Variants in SLC17A1 observed in about 807,000 individuals in gnomAD.
The protein encoded by SLC17A1 is solute carrier family 17 member 1.
SLC17A1 carries 51 observed loss-of-function variants against 53.5 expected under a neutral mutation model. That is an observed-to-expected ratio of 0.95 (90% CI 0.76 to 1.20). The LOEUF (loss-of-function observed/expected upper bound fraction) is 1.20, where lower values mean the gene tolerates loss of function less well. Among genes scored for constraint, SLC17A1 ranks in the 50% most tolerant of loss-of-function variants. The probability of loss-of-function intolerance (pLI) is 0.00; values close to 1 mark genes in which losing one functional copy is unlikely to be tolerated. For missense variants in SLC17A1, 538 were observed against 568.2 expected, an observed-to-expected ratio of 0.95 and a Z score of 0.54; for synonymous variants, 179 against 198.8, an observed-to-expected ratio of 0.90 and a Z score of 0.84.
chr6:25,820,602 C>T (rs977744527), intron 3 of SLC17A1, among the ~76,000 whole-genome samples: 12 of 151,976 alleles, frequency 7.9e-5, no homozygotes, highest in African/African-American at 2.9e-4. Flanking sequence ...GAATGATGGC[C>T]GGGCGCGGTG....
chr6:25,799,495 C>T (rs186755439), intron 11 of SLC17A1, among the ~76,000 whole-genome samples: 2 of 152,004 alleles, frequency 1.3e-5, no homozygotes, highest in East Asian at 1.9e-4. Context: ...GATGTATGCT[C>T]GAGTTGAAAT....
the SLC17A1 span, chr6:25,762,158 C>T: frequency 2.2e-6 from 2 of 920,958 alleles, no homozygotes; most frequent in Non-Finnish European, 3.3e-6. Context: ...TTTGTTGATA[C>T]ACATCATTTT....
chr6:25,746,472 A>C, the SLC17A1 span, among the ~76,000 whole-genome samples: 1 of 152,188 alleles, frequency 6.6e-6, no homozygotes, highest in Non-Finnish European at 1.5e-5. Context: ...AGCTCTTAAT[A>C]AACTGGGGGT....
At chr6:25,785,426 G>A (rs1321427161) in intron 12 of SLC17A1, among the ~76,000 whole-genome samples, 1 of 151,974 alleles carries the variant, frequency 6.6e-6, no homozygotes, top group African/African-American at 2.4e-5. Context: ...ACTTCTATAT[G>A]ACAACAAAGC....
intron 6 of SLC17A1, among the ~76,000 whole-genome samples, chr6:25,815,006 C>T (rs1264448360): frequency 6.7e-6 from 1 of 149,582 alleles, no homozygotes; most frequent in Non-Finnish European, 1.5e-5. Context: ...CACACACACA[C>T]ACACACACAC....
chr6:25,732,083 GTCC>G, the SLC17A1 span: 1 of 1,088,460 alleles, frequency 9.2e-7, no homozygotes, highest in Non-Finnish European at 1.3e-6. Flanking sequence ...TGCGCTTTTT[GTCC>G]TCCTTCGAGT....
chr6:25,801,128 T>G, intron 10 of SLC17A1, 148 bp from the exon 11 acceptor site: 1 of 604,626 alleles, frequency 1.7e-6, no homozygotes, highest in Non-Finnish European at 2.9e-6. Context: ...AAAAAGTATA[T>G]GAATATAGGC....
chr6:25,806,321 A>C (rs1384903112), intron 10 of SLC17A1, among the ~76,000 whole-genome samples: 2 of 152,124 alleles, frequency 1.3e-5, no homozygotes. Flanking sequence ...ATTTGATAAA[A>C]TCCAGCATCC....
the SLC17A1 span, among the ~76,000 whole-genome samples, chr6:25,749,506 C>A: frequency 1.3e-5 from 2 of 152,110 alleles, no homozygotes; most frequent in Admixed American, 6.5e-5. Context: ...AAAATGAAGT[C>A]ATTGAAAATA....
chr6:25,828,812 C>A (rs569431811), intron 2 of SLC17A1, among the ~76,000 whole-genome samples: 1 of 152,038 alleles, frequency 6.6e-6, no homozygotes, highest in South Asian at 2.1e-4. Context: ...AATCAGTGAC[C>A]ATTTAAATAA....
chr6:25,770,129 C>A, the SLC17A1 span: 3 of 1,614,106 alleles, frequency 1.9e-6, no homozygotes, highest in Non-Finnish European at 2.5e-6. Flanking sequence ...TCAACTATGG[C>A]TCATTCTTGG....
At chr6:25,747,653 T>C in the SLC17A1 span, among the ~76,000 whole-genome samples, 2 of 152,366 alleles carry the variant, frequency 1.3e-5, no homozygotes, top group South Asian at 2.1e-4. Context: ...GCTGGATTCC[T>C]CATGAATGAG....
At chr6:25,778,634 CAG>C (rs1763134680), downstream of SLC17A1, among the ~76,000 whole-genome samples, 1 of 152,168 alleles carries the variant, frequency 6.6e-6, no homozygotes, top group South Asian at 2.1e-4. Context: ...AGAAAAGAAA[CAG>C]AAAGAAATCT....
At chr6:25,768,901 T>C in the SLC17A1 span, 2 of 1,249,984 alleles carry the variant, frequency 1.6e-6, no homozygotes, top group South Asian at 1.3e-5. Flanking sequence ...CTCAGACAGA[T>C]ACCAATCTTC....
intron 12 of SLC17A1, among the ~76,000 whole-genome samples, chr6:25,792,866 C>T (rs912507772): frequency 2.0e-5 from 3 of 152,150 alleles, no homozygotes; most frequent in African/African-American, 7.2e-5. Flanking sequence ...GTCTGCACTG[C>T]CAACATCTCT....
the SLC17A1 span, among the ~76,000 whole-genome samples, chr6:25,746,566 A>T: frequency 4.6e-5 from 7 of 152,144 alleles, no homozygotes; most frequent in South Asian, 2.1e-4. Flanking sequence ...AGATAGTTTT[A>T]TTGCCATTAG....
At chr6:25,731,817 G>A in the SLC17A1 span, 1 of 1,601,352 alleles carries the variant, frequency 6.2e-7, no homozygotes, top group Non-Finnish European at 8.5e-7. Context: ...GACAGCCTTG[G>A]TGCCCTCCGA....
the SLC17A1 span, among the ~76,000 whole-genome samples, chr6:25,746,328 G>A: frequency 6.6e-6 from 1 of 151,970 alleles, no homozygotes; most frequent in Non-Finnish European, 1.5e-5. Context: ...CAAAGTGCAA[G>A]GATGTCCATG....
chr6:25,808,443 AC>A (rs1195574103), intron 10 of SLC17A1, among the ~76,000 whole-genome samples: 1 of 152,024 alleles, frequency 6.6e-6, no homozygotes, highest in Non-Finnish European at 1.5e-5. Context: ...AGACATCACC[AC>A]TGTCAATTCA....
Sources: allele counts gnomAD v4.1 joint callset (sites outside exome capture counted in the v4.1 genomes callset), GRCh38; gene constraint gnomAD v4.1.1; transcripts MANE v1.5; gene names NCBI Gene and HGNC (gene_info 2026-07-23, HGNC 2026-07-21).